The following DENND2B variants were observed in gnomAD, a reference collection of about 807,000 sequenced individuals.
The protein encoded by DENND2B is DENN domain containing 2B, also known as DENN domain-containing protein 2B.
A neutral mutation model predicts 116.0 loss-of-function variants in DENND2B; 32 were observed. That is an observed-to-expected ratio of 0.28 (90% confidence interval 0.21 to 0.37). The LOEUF (loss-of-function observed/expected upper bound fraction) is 0.37. Among genes scored for constraint, DENND2B ranks in the 10% least tolerant of loss-of-function variants. The pLI, the probability that DENND2B is intolerant of heterozygous loss-of-function variation, is 1.00. For missense variants in DENND2B, 1,276 were observed against 1,477.7 expected, an observed-to-expected ratio of 0.86 and a Z score of 2.24; for synonymous variants, 588 against 583.9, an observed-to-expected ratio of 1.01 and a Z score of -0.10.
intron 4 of DENND2B, among the ~76,000 whole-genome samples, chr11:8,725,691 A>G (rs2046977587): frequency 6.6e-6 from 1 of 152,222 alleles, no homozygotes; most frequent in African/African-American, 2.4e-5. Flanking sequence ...TGTTGTTAAT[A>G]TAGTCACATC....
At chr11:8,717,667 CCAA>C in intron 5 of DENND2B, 71 bp downstream of exon 5, 2 of 1,464,448 alleles carry the variant, frequency 1.4e-6, no homozygotes, top group South Asian at 1.6e-5. Context: ...GAAGCTGGGC[CCAA>C]GTCTTGGAAG....
intron 1 of DENND2B, among the ~76,000 whole-genome samples, chr11:8,783,662 T>C (rs1407688439): frequency 6.6e-6 from 1 of 152,244 alleles, no homozygotes; most frequent in Non-Finnish European, 1.5e-5. Flanking sequence ...AATGAGCATG[T>C]ATTTCTTTTA....
intron 2 of DENND2B, 117 bp downstream of exon 2, chr11:8,750,504 C>A (rs1029086222): frequency 2.3e-6 from 2 of 869,786 alleles, no homozygotes; most frequent in Admixed American, 1.9e-5. Context: ...ATGAGCTGGC[C>A]TAGACCAGTC....
intron 4 of DENND2B, among the ~76,000 whole-genome samples, chr11:8,724,374 T>C (rs2046729221): frequency 6.6e-6 from 1 of 151,864 alleles, no homozygotes; most frequent in African/African-American, 2.4e-5. Flanking sequence ...CTCTCATGTA[T>C]TAACTAACAC....
At chr11:8,799,670 A>G (rs956991670) in intron 1 of DENND2B, among the ~76,000 whole-genome samples, 2 of 148,028 alleles carry the variant, frequency 1.4e-5, no homozygotes, top group African/African-American at 5.0e-5. Flanking sequence ...CCTCAAACTC[A>G]TGGGCTCAAG....
Position 8,702,770 on chromosome 11 carries a change from G to A in DENND2B, c.2572-50C>T, listed in dbSNP as rs748727942. The A allele has an allele frequency of 6.3e-6, 10 of 1,588,470 alleles. No homozygotes were observed. The South Asian group carries it at 1.1e-4, about 18-fold the overall frequency. On this transcript the variant is annotated intron_variant, in intron 13 of 19. Transcript: ENST00000313726. This position sits in a 1 kb window ranked among gnomAD's most constrained non-coding sequence, Gnocchi z 4.6. ...GGCCGGGGCCAGCCAAGTGGGTGCT[G>A]CCCTCTGGCCCTCCACGAAGCAACT...
chr11:8,729,912 G>A lies in DENND2B; in HGVS notation c.1340+38C>T, dbSNP rs375768017. The A allele has an allele frequency of 1.2e-5, 20 of 1,600,150 alleles. No individual in the cohort carries two copies. The African/African-American group carries it at 2.4e-4, about 19-fold the overall frequency. ...CACTGTCCATTTAAAAGAAAGCCACGGTATTCAGCTACAACACACCGGAGG... is the reference window on the plus strand; with the variant it reads ...CACTGTCCATTTAAAAGAAAGCCACAGTATTCAGCTACAACACACCGGAGG... On this transcript the variant is annotated intron_variant, in intron 3 of 19. Coordinates refer to ENST00000313726, the MANE Select transcript of DENND2B (RefSeq NM_213618.2).
chr11:8,823,992 T>C (rs2134555396), intron 4 of DENND2B, among the ~76,000 whole-genome samples: 1 of 147,986 alleles, frequency 6.8e-6, no homozygotes, highest in South Asian at 2.2e-4. Context: ...AACCTCCGCC[T>C]CCCGGGTTCA....
chr11:8,707,201 G>A lies in DENND2B; in HGVS notation c.2455C>T (p.Arg819Cys), dbSNP rs1388266595. Residue 819 changes from arginine (R) to cysteine (C), a missense_variant, in exon 13 of 20, where the codon CGT (arginine) becomes TGT (cysteine). By Grantham distance (180) the Arg-to-Cys change is radical. Coordinates refer to ENST00000313726, the MANE Select transcript of DENND2B (RefSeq NM_213618.2). The surrounding 1 kb of genome is among the most constrained non-coding windows in gnomAD (Gnocchi z 4.8). ...SKVLDEVERRRGISAALVYPF... is the reference protein window; with the variant it reads ...SKVLDEVERRCGISAALVYPF... The stretch of plus-strand genomic sequence containing the variant: ...TAGACCAATGCAGCGGAGATCCCAC[G>A]CCGGCGCTCCACCTCATCTAGGACC... The A allele has an allele frequency of 1.9e-6, 3 of 1,612,982 alleles. No individual in the cohort carries two copies. Among genetic ancestry groups the A allele is most frequent in the Non-Finnish European group, 2.5e-6 (3 of 1,179,372 alleles).
chr11:8,797,382 A>G (rs2059906586), intron 1 of DENND2B, among the ~76,000 whole-genome samples: 1 of 152,052 alleles, frequency 6.6e-6, no homozygotes, highest in African/African-American at 2.4e-5. Context: ...CTAAGCAGGT[A>G]TGTCTATGCC....
chr11:8,754,344 G>A (rs2053225731), intron 1 of DENND2B, among the ~76,000 whole-genome samples: 1 of 152,098 alleles, frequency 6.6e-6, no homozygotes, highest in Non-Finnish European at 1.5e-5. Context: ...AGTCATTAGG[G>A]AAATACAAAT....
intron 3 of DENND2B, among the ~76,000 whole-genome samples, chr11:8,856,270 G>C (rs2063190234): frequency 6.6e-6 from 1 of 152,134 alleles, no homozygotes; most frequent in African/African-American, 2.4e-5. Context: ...AAATGATCCA[G>C]GATTTTTTTC....
At chr11:8,879,100 C>A (rs2063875041) in intron 2 of DENND2B, among the ~76,000 whole-genome samples, 1 of 152,240 alleles carries the variant, frequency 6.6e-6, no homozygotes, top group Non-Finnish European at 1.5e-5. Flanking sequence ...ACTTCCCAGT[C>A]CACAGAAGTC....
intron 1 of DENND2B, among the ~76,000 whole-genome samples, chr11:8,906,147 TAAGAC>T (rs1476987122): frequency 6.6e-6 from 1 of 151,694 alleles, no homozygotes; most frequent in Non-Finnish European, 1.5e-5. Flanking sequence ...AATATACACT[TAAGAC>T]AGGTAAATTT....
chr11:8,867,314 T>C (rs1265345828), intron 2 of DENND2B, among the ~76,000 whole-genome samples: 3 of 152,286 alleles, frequency 2.0e-5, no homozygotes, highest in Admixed American at 1.3e-4. Flanking sequence ...AATGTCCTTA[T>C]AAGCTCCATA....
intron 1 of DENND2B, among the ~76,000 whole-genome samples, chr11:8,887,064 G>A (rs982435088): frequency 2.0e-5 from 3 of 152,100 alleles, no homozygotes; most frequent in African/African-American, 7.2e-5. Context: ...CCAACCTCAG[G>A]TGATCCATCT....
intron 4 of DENND2B, chr11:8,718,471 T>C: frequency 6.7e-7 from 1 of 1,492,214 alleles, no homozygotes; most frequent in Middle Eastern, 1.7e-4. Context: ...GGTTTTGTGT[T>C]GTTCACTGAG....
intron 1 of DENND2B, among the ~76,000 whole-genome samples, chr11:8,902,245 G>A (rs1003387264): frequency 3.3e-5 from 5 of 151,000 alleles, no homozygotes; most frequent in African/African-American, 1.2e-4. Flanking sequence ...AGAATCACTT[G>A]AACCCAGGAG....
chr11:8,882,489 T>C (rs1343292126), intron 1 of DENND2B, among the ~76,000 whole-genome samples: 1 of 152,214 alleles, frequency 6.6e-6, no homozygotes, highest in Non-Finnish European at 1.5e-5. Context: ...TATCTATCAG[T>C]ATAAGTTCCA....
Sources: allele counts gnomAD v4.1 joint callset (sites outside exome capture counted in the v4.1 genomes callset), GRCh38; gene constraint gnomAD v4.1.1; non-coding constraint Gnocchi (gnomAD v3.1); transcripts MANE v1.5; gene names NCBI Gene and HGNC (gene_info 2026-07-23, HGNC 2026-07-21).